TXNRD2: variants seen among roughly 807,000 people sequenced by gnomAD.
TXNRD2 encodes the protein thioredoxin reductase 2.
A neutral mutation model predicts 70.8 loss-of-function variants in TXNRD2; 67 were observed. The ratio of observed to expected loss-of-function variants is 0.95; its 90% CI spans 0.78 to 1.16. The LOEUF is 1.16. Ranked by LOEUF, TXNRD2 falls within the 50% of genes most tolerant of loss-of-function variation. The pLI, the probability that TXNRD2 is intolerant of heterozygous loss-of-function variation, is 0.00. For synonymous variants in TXNRD2, 301 were observed against 295.8 expected, an observed-to-expected ratio of 1.02 and a Z score of -0.18; for missense variants, 644 against 719.9, an observed-to-expected ratio of 0.89 and a Z score of 1.21.
At chr22:19,894,938 C>T (rs1219797998) in intron 11 of TXNRD2, 1 of 1,358,192 alleles carries the variant, frequency 7.4e-7, no homozygotes, top group African/African-American at 1.5e-5. Flanking sequence ...CCACTGCACT[C>T]CAGCCTGGGC....
chr22:19,939,836 GATACCCC>G (rs1435043695), intron 1 of TXNRD2, among the ~76,000 whole-genome samples: 2 of 152,128 alleles, frequency 1.3e-5, no homozygotes, highest in Admixed American at 1.3e-4. Flanking sequence ...AGTAATAGGA[GATACCCC>G]ATACTTTCAA....
At chr22:19,895,242 C>T in intron 11 of TXNRD2, 165 bp downstream of exon 11, 1 of 1,593,824 alleles carries the variant, frequency 6.3e-7, no homozygotes, top group Non-Finnish European at 8.5e-7. Context: ...TGAGTGCCGC[C>T]CCACAGGCCT....
intron 7 of TXNRD2, among the ~76,000 whole-genome samples, chr22:19,912,490 G>A (rs923992612): frequency 7.9e-5 from 12 of 152,182 alleles, no homozygotes; most frequent in Non-Finnish European, 1.8e-4. Flanking sequence ...GCCAGGCCAG[G>A]GCCCCTGTGC....
intron 2 of TXNRD2, among the ~76,000 whole-genome samples, chr22:19,926,218 G>T (rs7285277): frequency 1.4e-5 from 2 of 145,640 alleles, no homozygotes; most frequent in Non-Finnish European, 3.1e-5. Context: ...GGCCAGGCAC[G>T]GTGGCTCATG....
chr22:19,919,891 G>A (rs373470925), intron 2 of TXNRD2, among the ~76,000 whole-genome samples: 8 of 135,698 alleles, frequency 5.9e-5, no homozygotes, highest in Middle Eastern at 3.7e-3. Flanking sequence ...CTCAGGGCCC[G>A]CAGCCTTTGT....
At chr22:19,890,929 C>T (rs970311925) in intron 11 of TXNRD2, among the ~76,000 whole-genome samples, 2 of 152,138 alleles carry the variant, frequency 1.3e-5, no homozygotes, top group Admixed American at 1.3e-4. Flanking sequence ...GCACCGCCAG[C>T]CCCCATCATC....
rs1569093857 is a variant in TXNRD2 at position 19,909,871 on chromosome 22, C to CTCACACACACAACCACACACACCCT, written c.662+1505_662+1506insAGGGTGTGTGTGGTTGTGTGTGTGA. Reference sequence around the variant, plus strand: ...CTTCACACACACACCACACACACACCACTCACACACACCACTCACACACAC... The same window carrying CTCACACACACAACCACACACACCCT: ...CTTCACACACACACCACACACACACCTCACACACACAACCACACACACCCTACTCACACACACCACTCACACACAC... On this transcript the variant is annotated intron_variant, in intron 8 of 17. Coordinates refer to ENST00000400521, the MANE Select transcript of TXNRD2 (RefSeq NM_006440.5). Among the ~76,000 whole-genome samples, 12 of 55,694 alleles carry CTCACACACACAACCACACACACCCT rather than the reference C, an allele frequency of 2.2e-4. 1 individual carries two copies. The highest frequency in any genetic ancestry group is 1.1e-3 in the African/African-American group (11 of 9,998). 36.5% of individuals were successfully genotyped at this position (55,694 alleles called of 152,430 possible).
chr22:19,878,850 T>C (rs1041735663), intron 14 of TXNRD2, among the ~76,000 whole-genome samples: 18 of 152,238 alleles, frequency 1.2e-4, no homozygotes, highest in Non-Finnish European at 4.4e-5. Context: ...TGGTGTTTGC[T>C]TGGCCCTCAC....
intron 2 of TXNRD2, among the ~76,000 whole-genome samples, chr22:19,927,423 G>A (rs749804159): frequency 2.0e-5 from 3 of 152,148 alleles, no homozygotes; most frequent in South Asian, 2.1e-4. Context: ...GGAGGCTGAG[G>A]CAGACGGATC....
At chr22:19,912,676 C>T (rs926410803) in intron 7 of TXNRD2, among the ~76,000 whole-genome samples, 2 of 152,204 alleles carry the variant, frequency 1.3e-5, no homozygotes, top group Non-Finnish European at 2.9e-5. Flanking sequence ...TGAACAACTG[C>T]ACAGTGTCAT....
At chr22:19,880,056 C>G in intron 14 of TXNRD2, 123 bp downstream of exon 14, 1 of 1,018,716 alleles carries the variant, frequency 9.8e-7, no homozygotes, top group Non-Finnish European at 1.5e-6. Flanking sequence ...CTACACACAG[C>G]CACTGCTCAG....
chr22:19,910,299 A>C (rs1304256089), intron 8 of TXNRD2, among the ~76,000 whole-genome samples: 1 of 152,174 alleles, frequency 6.6e-6, no homozygotes, highest in Non-Finnish European at 1.5e-5. Context: ...TCCACAATCA[A>C]GATGTTGTTT....
At chr22:19,911,543 G>A (rs1940412658) in intron 7 of TXNRD2, 96 bp from the exon 8 acceptor site, 1 of 936,670 alleles carries the variant, frequency 1.1e-6, no homozygotes. Flanking sequence ...ATCAAGCAGA[G>A]CTTTCCCAGG....
intron 2 of TXNRD2, among the ~76,000 whole-genome samples, chr22:19,928,883 G>A (rs1941251830): frequency 6.6e-6 from 1 of 151,866 alleles, no homozygotes; most frequent in Non-Finnish European, 1.5e-5. Flanking sequence ...GCAGGCGCCT[G>A]TAATCCTAGC....
At chr22:19,920,646 C>T (rs991014415) in intron 2 of TXNRD2, among the ~76,000 whole-genome samples, 14 of 152,184 alleles carry the variant, frequency 9.2e-5, no homozygotes, top group Non-Finnish European at 1.6e-4. Flanking sequence ...CTTCCATTTG[C>T]CCGGGCTTGG....
intron 1 of TXNRD2, among the ~76,000 whole-genome samples, chr22:19,934,002 T>C (rs1272273465): frequency 3.3e-5 from 5 of 152,346 alleles, no homozygotes; most frequent in East Asian, 3.9e-4. Context: ...CCAGAGCTCA[T>C]AGCAAGGCCC....
At chr22:19,878,962 A>G (rs766038470) in intron 14 of TXNRD2, among the ~76,000 whole-genome samples, 1 of 152,228 alleles carries the variant, frequency 6.6e-6, no homozygotes, top group Non-Finnish European at 1.5e-5. Flanking sequence ...GCGGCCAAGT[A>G]AAAAATGAGT....
intron 16 of TXNRD2, 70 bp downstream of exon 16, chr22:19,878,020 G>A: frequency 7.5e-7 from 1 of 1,329,030 alleles, no homozygotes; most frequent in Non-Finnish European, 1.1e-6. Context: ...GCTCTCCACT[G>A]TAGGACTGCC....
chr22:19,886,501 C>T (rs1939040016), intron 11 of TXNRD2, among the ~76,000 whole-genome samples: 1 of 152,270 alleles, frequency 6.6e-6, no homozygotes, highest in Admixed American at 6.5e-5. Flanking sequence ...ATGCTGTGAG[C>T]AGCAGGATGC....
Sources: gnomAD v4.1 joint callset for allele counts (sites outside exome capture counted in the v4.1 genomes callset) on GRCh38, gnomAD v4.1.1 for gene constraint, MANE v1.5 for transcripts, NCBI Gene and HGNC (gene_info 2026-07-23, HGNC 2026-07-21) for gene names.